Variants in YLPM1 observed in about 807,000 individuals in gnomAD.
The protein encoded by YLPM1 is YLP motif-containing protein 1.
YLPM1 carries 99 observed loss-of-function variants against 230.0 expected under a neutral mutation model. The observed-to-expected ratio is 0.43, with a 90% confidence interval of 0.37 to 0.51. YLPM1 has a LOEUF of 0.51. Ranked by LOEUF, YLPM1 falls within the 20% of genes least tolerant of loss-of-function variation. The probability of loss-of-function intolerance (pLI) is 0.00; values close to 1 mark genes in which losing one functional copy is unlikely to be tolerated. For missense variants in YLPM1, 2,592 were observed against 2,707.7 expected (o/e 0.96, Z 0.95); for synonymous variants, 984 against 942.5 (o/e 1.04, Z -0.81).
In YLPM1 at chr14:74,811,574, C is replaced by A. The variant is rs193041493; in HGVS notation, c.5229-46C>A. The A allele has an allele frequency of 1.0e-4, 152 of 1,461,438 alleles. No individual in the cohort carries two copies. The African/African-American group carries it at 2.0e-3, about 19-fold the overall frequency. The allele number at this position is 1,461,438 out of a possible 1,614,324, so 90.5% of individuals were successfully genotyped here. A position where few individuals can be genotyped will look rare whatever the true frequency, so the allele number is the denominator to read the frequency against. On this transcript the variant is annotated intron_variant, in intron 9 of 20. Transcript: ENST00000325680. ...CTGTTGCGTTATAAAGCAGAGAACCCCAAATATTTTTTATTTGCTGAAGCG... is the reference window on the plus strand; with the variant it reads ...CTGTTGCGTTATAAAGCAGAGAACCACAAATATTTTTTATTTGCTGAAGCG...
chr14:74,803,974 T>C (rs2091353291), intron 6 of YLPM1, among the ~76,000 whole-genome samples: 1 of 152,014 alleles, frequency 6.6e-6, no homozygotes, highest in Non-Finnish European at 1.5e-5. Context: ...CCTGACCAAC[T>C]TGGAGAAACC....
chr14:74,821,640 G>GCCT (rs2140138719), intron 17 of YLPM1: 1 of 152,364 alleles, frequency 6.6e-6, no homozygotes, highest in East Asian at 1.9e-4. Context: ...AAAATTAAAT[G>GCCT]ACTGTGTAGG....
At chr14:74,802,915 T>C (rs539525224) in intron 6 of YLPM1, among the ~76,000 whole-genome samples, 1 of 152,236 alleles carries the variant, frequency 6.6e-6, no homozygotes, top group South Asian at 2.1e-4. Context: ...CTGAACTACA[T>C]AGCTTCTGTT....
At chr14:74,788,113 T>A (rs1167910258) in intron 4 of YLPM1, among the ~76,000 whole-genome samples, 2 of 119,578 alleles carry the variant, frequency 1.7e-5, no homozygotes, top group East Asian at 5.3e-4. Context: ...TTCTGTCACA[T>A]ACCCTTTTTT....
intron 17 of YLPM1, 147 bp downstream of exon 17, chr14:74,821,284 G>T: frequency 1.7e-6 from 2 of 1,210,482 alleles, no homozygotes; most frequent in Non-Finnish European, 2.2e-6. Flanking sequence ...GAGACTTTTG[G>T]ATACTCTTTA....
Position 74,804,643 on chromosome 14 carries a change from A to G in YLPM1, c.4521+1967A>G, listed in dbSNP as rs139058630. On this transcript the variant is annotated intron_variant, in intron 6 of 20. Transcript: ENST00000325680. Reference sequence around the variant, plus strand: ...TTTTCTCTTCCACCTATGTAGGGCAATTACCCTTGTACATACCCTGTAACA... The same window carrying G: ...TTTTCTCTTCCACCTATGTAGGGCAGTTACCCTTGTACATACCCTGTAACA... Among the ~76,000 whole-genome samples the G allele has an allele frequency of 4.6e-3, 700 of 152,340 alleles. 6 individuals carry two copies. Among genetic ancestry groups the G allele is most frequent in the African/African-American group, 0.015 (644 of 41,570 alleles).
chr14:74,812,058 A>G (rs1225455273), intron 10 of YLPM1, among the ~76,000 whole-genome samples: 2 of 152,226 alleles, frequency 1.3e-5, no homozygotes, highest in East Asian at 3.8e-4. Context: ...CAATTTCTTT[A>G]TCGTGATTGT....
chr14:74,813,036 G>A lies in YLPM1; in HGVS notation c.5502+254G>A, dbSNP rs116367597. ...TATTAATGAGACCTCAATTAATTGC[G>A]CGTTGAAGAGAGGAAAAGTGGATTT... On this transcript the variant is annotated intron_variant, in intron 11 of 20. Coordinates refer to ENST00000325680, the MANE Select transcript of YLPM1 (RefSeq NM_019589.3). 7.1e-3 allele frequency among the ~76,000 whole-genome samples: 1,078 copies of A among 152,268 alleles called. 13 individuals carry two copies. The highest frequency in any genetic ancestry group is 0.025 in the African/African-American group (1,021 of 41,548).
intron 6 of YLPM1, among the ~76,000 whole-genome samples, chr14:74,808,913 C>T (rs1227248585): frequency 6.6e-6 from 1 of 151,730 alleles, no homozygotes; most frequent in Non-Finnish European, 1.5e-5. Flanking sequence ...TTTTTCTTTC[C>T]TATATCCTTG....
chr14:74,814,132 T>A (rs1369600626), intron 11 of YLPM1, among the ~76,000 whole-genome samples: 1 of 152,076 alleles, frequency 6.6e-6, no homozygotes, highest in African/African-American at 2.4e-5. Flanking sequence ...GAGGCTGAGA[T>A]GGGCGGATCA....
chr14:74,799,705 G>A lies in YLPM1; in HGVS notation c.4400+8G>A, dbSNP rs774202403. 1 of 1,596,866 alleles carries A rather than the reference G, an allele frequency of 6.3e-7. No homozygotes were observed. Among genetic ancestry groups the A allele is most frequent in the Non-Finnish European group, 8.5e-7 (1 of 1,170,128 alleles). ...AGAACTGAAAATGCTTCGGTAAGTT[G>A]ACTCCTTCAGATCCTTTCTTTTAAT... On this transcript the variant is annotated splice_region_variant and intron_variant, in intron 5 of 20. Coordinates refer to ENST00000325680, the MANE Select transcript of YLPM1 (RefSeq NM_019589.3).
chr14:74,830,590 G>C (rs934379450), intron 19 of YLPM1, among the ~76,000 whole-genome samples: 16 of 152,130 alleles, frequency 1.1e-4, no homozygotes, highest in African/African-American at 3.9e-4. Context: ...AAAGGAATAC[G>C]TGAGATTGGG....
rs370389428 is a variant in YLPM1 at position 74,764,283 on chromosome 14, T to C, written c.794T>C (p.Leu265Ser). 8.1e-6 allele frequency: 13 copies of C among 1,613,684 alleles called. No individual in the cohort carries two copies. In the African/African-American group the frequency reaches 1.3e-4, roughly 17 times the overall value. The stretch of plus-strand genomic sequence containing the variant: ...AAGACAACTGTCCAGCAAGAGCCTT[T>C]GGAGAGTGGGGCCAAAAACAAGAGT... The part of the protein sequence containing the change: ...GNKTTVQQEP[L>S]ESGAKNKSTE... The change falls in exon 1 of 21, where the codon TTG (leucine) becomes TCG (serine). Residue 265 changes from leucine to serine, a missense_variant. Physicochemically the swap from Leu to Ser is moderately radical, Grantham distance 145. Coordinates refer to ENST00000325680, the MANE Select transcript of YLPM1 (RefSeq NM_019589.3).
At chr14:74,820,609 C>T (rs1039193443) in intron 16 of YLPM1, among the ~76,000 whole-genome samples, 1 of 152,138 alleles carries the variant, frequency 6.6e-6, no homozygotes, top group African/African-American at 2.4e-5. Context: ...TCAGTTGTAC[C>T]TTTTAATGAC....
intron 20 of YLPM1, 39 bp from the exon 21 acceptor site, chr14:74,835,736 G>T (rs2091638222): frequency 1.7e-5 from 7 of 418,856 alleles, no homozygotes; most frequent in Non-Finnish European, 2.3e-5. Context: ...CTTTTTGCCT[G>T]TTCTTTCCAG....
intron 2 of YLPM1, 56 bp downstream of exon 2, chr14:74,778,739 C>A: frequency 6.9e-7 from 1 of 1,439,220 alleles, no homozygotes; most frequent in South Asian, 1.4e-5. Flanking sequence ...TTTTCTGATT[C>A]ATTTAGTATA....
chr14:74,769,851 A>ACCCCC (rs113231747), intron 1 of YLPM1, among the ~76,000 whole-genome samples: 7 of 76,780 alleles, frequency 9.1e-5, no homozygotes, highest in East Asian at 9.5e-4. Flanking sequence ...AAAGTGAGAC[A>ACCCCC]CCCCCCCCCC....
At chr14:74,824,177 A>G (rs1485586532) in intron 17 of YLPM1, 79 bp from the exon 18 acceptor site, 8 of 1,405,638 alleles carry the variant, frequency 5.7e-6, no homozygotes, top group Non-Finnish European at 7.9e-6. Flanking sequence ...CCCAGTTTTA[A>G]TGCTTTTCCA....
At chr14:74,787,510 C>T (rs1481423906) in intron 4 of YLPM1, among the ~76,000 whole-genome samples, 3 of 151,470 alleles carry the variant, frequency 2.0e-5, no homozygotes, top group Non-Finnish European at 2.9e-5. Flanking sequence ...TGCAGTGAGC[C>T]GAGATCGAGT....
Sources: gnomAD v4.1 joint callset for allele counts (sites outside exome capture counted in the v4.1 genomes callset) on GRCh38, gnomAD v4.1.1 for gene constraint, MANE v1.5 for transcripts, NCBI Gene and HGNC (gene_info 2026-07-23, HGNC 2026-07-21) for gene names.